Variants in PLD5 observed in about 807,000 individuals in gnomAD.
PLD5 encodes inactive phospholipase D5.
PLD5 carries 36 observed loss-of-function variants against 61.1 expected under a neutral mutation model. The ratio of observed to expected loss-of-function variants is 0.59; its 90% CI spans 0.45 to 0.78. The LOEUF (loss-of-function observed/expected upper bound fraction) is 0.78. PLD5 is among the 30% of genes least tolerant of loss of function. PLD5 has a pLI of 0.00. For synonymous variants in PLD5, 243 were observed against 242.8 expected, an observed-to-expected ratio of 1.00 and a Z score of -0.01; for missense variants, 515 against 644.4, an observed-to-expected ratio of 0.80 and a Z score of 2.17.
chr1:242,222,712 C>T (rs755437823), intron 4 of PLD5, among the ~76,000 whole-genome samples: 2 of 149,990 alleles, frequency 1.3e-5, no homozygotes, highest in Non-Finnish European at 3.0e-5. Context: ...CTTTGTACCT[C>T]TCCATCCCAC....
chr1:242,181,692 C>G (rs916953043), intron 5 of PLD5, among the ~76,000 whole-genome samples: 1 of 151,750 alleles, frequency 6.6e-6, no homozygotes, highest in African/African-American at 2.4e-5. Context: ...GAGACAGAGT[C>G]TCACTCTGTC....
At chr1:242,164,378 A>T (rs999546201) in intron 5 of PLD5, among the ~76,000 whole-genome samples, 5 of 145,194 alleles carry the variant, frequency 3.4e-5, no homozygotes, top group South Asian at 2.3e-4. Context: ...GTTCTATTAA[A>T]TTTTTCCAGT....
At chr1:242,356,370 T>C (rs1023525341) in intron 1 of PLD5, among the ~76,000 whole-genome samples, 36 of 152,042 alleles carry the variant, frequency 2.4e-4, no homozygotes, top group African/African-American at 8.0e-4. Context: ...TTTTCTCTAA[T>C]GTAGCTATCA....
intron 2 of PLD5, among the ~76,000 whole-genome samples, chr1:242,294,764 GAC>G (rs1042783687): frequency 4.6e-5 from 7 of 152,144 alleles, no homozygotes; most frequent in African/African-American, 1.7e-4. Context: ...CTAAATGAAA[GAC>G]ATTTTTTAAA....
intron 3 of PLD5, among the ~76,000 whole-genome samples, chr1:242,288,115 T>C (rs1675135924): frequency 6.6e-6 from 1 of 152,226 alleles, no homozygotes; most frequent in Non-Finnish European, 1.5e-5. Flanking sequence ...AGCAATTCTG[T>C]ATAAAGAGCC....
At chr1:242,421,399 A>G (rs1273943122) in intron 1 of PLD5, among the ~76,000 whole-genome samples, 1 of 152,166 alleles carries the variant, frequency 6.6e-6, no homozygotes, top group Non-Finnish European at 1.5e-5. Context: ...AGCTTCTGTC[A>G]GGATACAGCC....
At chr1:242,522,389 T>A (rs550518742) in intron 1 of PLD5, among the ~76,000 whole-genome samples, 1 of 152,286 alleles carries the variant, frequency 6.6e-6, no homozygotes, top group South Asian at 2.1e-4. Context: ...GTGGCACACA[T>A]GGTATGACTT....
rs370645103 is a variant in PLD5, at chr1:242,256,296, T to C, written c.607+9041A>G. Among the ~76,000 whole-genome samples, 17 of 152,334 alleles carry C rather than the reference T, an allele frequency of 1.1e-4. No homozygotes were observed. In the East Asian group the frequency reaches 2.7e-3, roughly 24 times the overall value. Reference sequence around the variant, plus strand: ...AGTAACAGAAAGGAAACAATATGGATAAAAAGATAGGGAAATCTAGAAATT... The same window carrying C: ...AGTAACAGAAAGGAAACAATATGGACAAAAAGATAGGGAAATCTAGAAATT... On this transcript the variant is annotated intron_variant, in intron 4 of 9. Transcript: ENST00000536534. The surrounding 1 kb of genome is among the most constrained non-coding windows in gnomAD (Gnocchi z 5.7).
chr1:242,507,633 T>C (rs965627365), intron 1 of PLD5, among the ~76,000 whole-genome samples: 8 of 152,228 alleles, frequency 5.3e-5, no homozygotes, highest in African/African-American at 1.9e-4. Context: ...ATCTTGAAAT[T>C]ACAGCTGGCA....
intron 1 of PLD5, among the ~76,000 whole-genome samples, chr1:242,398,897 T>C (rs1290790466): frequency 6.6e-6 from 1 of 152,160 alleles, no homozygotes; most frequent in Admixed American, 6.6e-5. Flanking sequence ...TCATAGGATA[T>C]AATTTTAAGG....
rs925257579 is a variant in PLD5 at position 242,237,435 on chromosome 1, A to G, written c.608-17320T>C. ...TTCAATACCTGCTTTGTGATAAGGG[A>G]GGGGTTTCCTTTCAGCTTTTCTCCT... On this transcript the variant is annotated intron_variant, in intron 4 of 9. Coordinates refer to ENST00000536534, the MANE Select transcript of PLD5 (RefSeq NM_001372062.1). 2.6e-5 allele frequency among the ~76,000 whole-genome samples: 4 copies of G among 152,122 alleles called. No individual in the cohort carries two copies. The East Asian group carries it at 7.7e-4, about 29-fold the overall frequency.
intron 1 of PLD5, among the ~76,000 whole-genome samples, chr1:242,434,339 A>G (rs1472667145): frequency 1.3e-5 from 2 of 152,226 alleles, no homozygotes; most frequent in Non-Finnish European, 2.9e-5. Flanking sequence ...AGCTACTGAA[A>G]AGAGAGAGTT....
chr1:242,089,428 T>A lies in PLD5; in HGVS notation c.*426A>T. On this transcript the variant is annotated 3_prime_UTR_variant, in exon 10 of 10. Coordinates refer to ENST00000536534, the MANE Select transcript of PLD5 (RefSeq NM_001372062.1). ...ACGATTTACAAGAATAAACACTTGG[T>A]TTTATCAGTCTCTTCTCCAAGGCAA... 2.4e-6 allele frequency: 1 copy of A among 420,130 alleles called. No homozygotes were observed. Among genetic ancestry groups the A allele is most frequent in the Non-Finnish European group, 4.2e-6 (1 of 238,592 alleles). 26.0% of individuals were successfully genotyped at this position (420,130 alleles called of 1,614,324 possible).
chr1:242,431,721 G>A (rs1308731557), intron 1 of PLD5, among the ~76,000 whole-genome samples: 2 of 152,156 alleles, frequency 1.3e-5, no homozygotes, highest in Non-Finnish European at 2.9e-5. Context: ...CAAGCATCTG[G>A]TTATTTTGGA....
intron 4 of PLD5, among the ~76,000 whole-genome samples, chr1:242,247,530 C>A (rs1672460501): frequency 6.6e-6 from 1 of 152,170 alleles, no homozygotes; most frequent in Non-Finnish European, 1.5e-5. Context: ...AATTCTGTAT[C>A]TTATGGTCAC....
chr1:242,145,658 A>C (rs776488607), intron 5 of PLD5, among the ~76,000 whole-genome samples: 1 of 152,170 alleles, frequency 6.6e-6, no homozygotes, highest in Non-Finnish European at 1.5e-5. Flanking sequence ...CCCATCCAAC[A>C]GGAAGTCTCA....
At chr1:242,347,942 G>C (rs1425506884) in intron 2 of PLD5, among the ~76,000 whole-genome samples, 164 bp downstream of exon 2, 1 of 152,062 alleles carries the variant, frequency 6.6e-6, no homozygotes, top group African/African-American at 2.4e-5. Context: ...CTCATTACTT[G>C]CCCTAAAAGT....
chr1:242,415,545 C>T (rs940064255), intron 1 of PLD5, among the ~76,000 whole-genome samples: 2 of 145,536 alleles, frequency 1.4e-5, no homozygotes, highest in African/African-American at 5.1e-5. Flanking sequence ...CAGAGTCTTG[C>T]TCTGTCGCCC....
chr1:242,437,659 C>A (rs1666062612), intron 1 of PLD5, among the ~76,000 whole-genome samples: 1 of 150,448 alleles, frequency 6.6e-6, no homozygotes, highest in Non-Finnish European at 1.5e-5. Flanking sequence ...TGTACTCCAG[C>A]CTGGGCAACA....
Sources: gnomAD v4.1 joint callset for allele counts (sites outside exome capture counted in the v4.1 genomes callset) on GRCh38, gnomAD v4.1.1 for gene constraint, Gnocchi (gnomAD v3.1) non-coding constraint, MANE v1.5 for transcripts, NCBI Gene and HGNC (gene_info 2026-07-23, HGNC 2026-07-21) for gene names.